PLD5: variants seen among roughly 807,000 people sequenced by gnomAD.
PLD5 encodes inactive phospholipase D5.
In PLD5, 36 loss-of-function variants were observed where a neutral mutation model predicts 61.1. The observed-to-expected ratio is 0.59, with a 90% CI of 0.45 to 0.78. The LOEUF (loss-of-function observed/expected upper bound fraction) is 0.78. PLD5 is among the 30% of genes least tolerant of loss of function. The pLI is 0.00. For synonymous variants in PLD5, 243 were observed against 242.8 expected, an observed-to-expected ratio of 1.00 and a Z score of -0.01; for missense variants, 515 against 644.4, an observed-to-expected ratio of 0.80 and a Z score of 2.17.
At chr1:242,380,895 ACAACAGATGCTG>A (rs1386225380) in intron 1 of PLD5, among the ~76,000 whole-genome samples, 1 of 152,190 alleles carries the variant, frequency 6.6e-6, no homozygotes, top group Non-Finnish European at 1.5e-5. Context: ...AAGTCAAGAA[ACAACAGATGCTG>A]GTGAGGTTGC....
intron 1 of PLD5, among the ~76,000 whole-genome samples, chr1:242,352,518 G>T (rs1044739388): frequency 1.3e-5 from 2 of 152,198 alleles, no homozygotes; most frequent in African/African-American, 4.8e-5. Flanking sequence ...ACATGGGTGT[G>T]CAGACATCTT....
intron 1 of PLD5, among the ~76,000 whole-genome samples, chr1:242,438,731 T>C (rs903580518): frequency 6.6e-6 from 1 of 152,278 alleles, no homozygotes; most frequent in East Asian, 1.9e-4. Flanking sequence ...CCCGGCCTTT[T>C]GGAATTTTTA....
chr1:242,488,062 G>A (rs1668022683), intron 1 of PLD5, among the ~76,000 whole-genome samples: 1 of 152,090 alleles, frequency 6.6e-6, no homozygotes, highest in East Asian at 1.9e-4. Context: ...CCAAAACACT[G>A]ACAATATCAA....
chr1:242,141,229 G>T (rs1248441799), intron 5 of PLD5, among the ~76,000 whole-genome samples: 2 of 152,140 alleles, frequency 1.3e-5, no homozygotes, highest in African/African-American at 4.8e-5. Context: ...GAACCTGCTT[G>T]GTTTGGAATT....
chr1:242,305,899 G>C (rs1348830847), intron 2 of PLD5, among the ~76,000 whole-genome samples: 1 of 152,168 alleles, frequency 6.6e-6, no homozygotes, highest in South Asian at 2.1e-4. Flanking sequence ...GGTGTCTGGA[G>C]AGGAATGCCT....
At chr1:242,356,680 T>C (rs1660770591) in intron 1 of PLD5, among the ~76,000 whole-genome samples, 1 of 151,590 alleles carries the variant, frequency 6.6e-6, no homozygotes, top group Non-Finnish European at 1.5e-5. Context: ...TGGTGTATGG[T>C]TTCCTTAGTG....
intron 5 of PLD5, among the ~76,000 whole-genome samples, chr1:242,160,157 A>G (rs924399464): frequency 1.3e-5 from 2 of 152,086 alleles, no homozygotes; most frequent in Admixed American, 1.3e-4. Context: ...AACCACAGGC[A>G]TGTGCCACCA....
At chr1:242,382,409 G>A (rs1662349786) in intron 1 of PLD5, among the ~76,000 whole-genome samples, 1 of 152,164 alleles carries the variant, frequency 6.6e-6, no homozygotes, top group Non-Finnish European at 1.5e-5. Context: ...TAGGTCAGAG[G>A]AGGATGTGCC....
chr1:242,459,691 G>C (rs1056355764), intron 1 of PLD5, among the ~76,000 whole-genome samples: 1 of 152,156 alleles, frequency 6.6e-6, no homozygotes, highest in African/African-American at 2.4e-5. Context: ...CTGCCAGAAC[G>C]AGCCAACAGC....
chr1:242,401,103 T>C (rs12117147), intron 1 of PLD5, among the ~76,000 whole-genome samples: 3,120 of 152,246 alleles, frequency 0.02, 121 homozygotes, highest in East Asian at 0.11. Flanking sequence ...TTCCTCCCAT[T>C]GTCCCCATCC....
intron 1 of PLD5, among the ~76,000 whole-genome samples, chr1:242,480,378 CAAT>C (rs1667732949): frequency 2.0e-5 from 3 of 152,074 alleles, no homozygotes; most frequent in Admixed American, 2.0e-4. Flanking sequence ...TTACAGACTT[CAAT>C]CGAAGAGCTA....
intron 1 of PLD5, among the ~76,000 whole-genome samples, chr1:242,402,295 A>AT (rs71664128): frequency 0.088 from 13,321 of 152,194 alleles, 682 homozygotes; most frequent in Middle Eastern, 0.19. Flanking sequence ...GACACTTTTT[A>AT]TTTTTTTGCA....
In PLD5 at chr1:242,173,159, C is replaced by G. The variant is rs4039791; in HGVS notation, c.735+46829G>C. ...TGATTGTATATCTAGAAAACCCCAT[C>G]GTCTCAGCCCAAAATCTCCTTAAGC... On this transcript the variant is annotated intron_variant, in intron 5 of 9. Transcript: ENST00000536534. Among the ~76,000 whole-genome samples, 8 of 151,834 alleles carry G rather than the reference C, an allele frequency of 5.3e-5. No homozygotes were observed. In the East Asian group the frequency reaches 9.7e-4, roughly 18 times the overall value.
chr1:242,418,033 C>T (rs948690300), intron 1 of PLD5, among the ~76,000 whole-genome samples: 11 of 152,248 alleles, frequency 7.2e-5, no homozygotes, highest in African/African-American at 2.6e-4. Context: ...AGGGCAGAAC[C>T]AGAAAGCTTT....
In PLD5 at chr1:242,502,398, C is replaced by T. The variant is rs541636526; in HGVS notation, c.189+21690G>A. 2.6e-5 allele frequency among the ~76,000 whole-genome samples: 4 copies of T among 152,258 alleles called. 1 individual carries two copies. Among genetic ancestry groups the T allele is most frequent in the African/African-American group, 9.6e-5 (4 of 41,552 alleles). On this transcript the variant is annotated intron_variant, in intron 1 of 9. Coordinates refer to ENST00000536534, the MANE Select transcript of PLD5 (RefSeq NM_001372062.1). ...GCCCTTTAAAGGAATTCATGTAACA[C>T]TTGTTTTTAGTAGACTCTTGTTTAT... is the stretch of plus-strand genomic sequence containing the variant.
chr1:242,304,849 A>C (rs1271210481), intron 2 of PLD5, among the ~76,000 whole-genome samples: 4 of 152,178 alleles, frequency 2.6e-5, no homozygotes, highest in Non-Finnish European at 2.9e-5. Flanking sequence ...CATACCTGTT[A>C]TCCCATCATG....
intron 7 of PLD5, among the ~76,000 whole-genome samples, chr1:242,109,252 T>G (rs775137541): frequency 8.5e-5 from 13 of 152,246 alleles, no homozygotes; most frequent in Non-Finnish European, 1.8e-4. Context: ...GCCAAGGCGG[T>G]GGATCACTTG....
At position 242,089,780 on chromosome 1, in the gene PLD5, G is replaced by A. The variant is rs1282470166; in HGVS notation, c.*74C>T. 10 of 1,561,924 alleles carry A rather than the reference G, an allele frequency of 6.4e-6. No individual in the cohort carries two copies. The highest frequency in any genetic ancestry group is 3.6e-5 in the Admixed American group (2 of 55,568). On this transcript the variant is annotated 3_prime_UTR_variant, in exon 10 of 10. Transcript: ENST00000536534. Reference sequence around the variant, plus strand: ...TCCCTAAAAAAAGAGACATATTAAAGTGTTTTTTCTCTCCTCAAGTCCTTT... The same window carrying A: ...TCCCTAAAAAAAGAGACATATTAAAATGTTTTTTCTCTCCTCAAGTCCTTT...
intron 2 of PLD5, among the ~76,000 whole-genome samples, chr1:242,336,015 A>G (rs1196358724): frequency 1.3e-5 from 2 of 152,158 alleles, no homozygotes; most frequent in Non-Finnish European, 2.9e-5. Flanking sequence ...TATTTCTCCT[A>G]TGTATGCAGA....
Sources: allele counts gnomAD v4.1 joint callset (sites outside exome capture counted in the v4.1 genomes callset), GRCh38; gene constraint gnomAD v4.1.1; transcripts MANE v1.5; gene names NCBI Gene and HGNC (gene_info 2026-07-23, HGNC 2026-07-21).